Variants in VRK1 observed in about 807,000 individuals in gnomAD.
The protein encoded by VRK1 is VRK serine/threonine kinase 1, also known as serine/threonine-protein kinase VRK1.
A neutral mutation model predicts 57.1 loss-of-function variants in VRK1; 33 were observed. That is an observed-to-expected ratio of 0.58 (90% CI 0.44 to 0.77). The LOEUF (loss-of-function observed/expected upper bound fraction) is 0.77, where lower values mean the gene tolerates loss of function less well. VRK1 is among the 30% of genes least tolerant of loss of function. The pLI is 0.00. For missense variants in VRK1, 413 were observed against 477.3 expected (o/e 0.87, Z 1.25); for synonymous variants, 137 against 147.8 (o/e 0.93, Z 0.53).
At chr14:96,841,747 A>G (rs1887469971) in intron 3 of VRK1, among the ~76,000 whole-genome samples, 1 of 152,024 alleles carries the variant, frequency 6.6e-6, no homozygotes, top group Non-Finnish European at 1.5e-5. Context: ...AGGCAGGAGA[A>G]TCACTTGAAA....
chr14:96,826,823 A>G (rs775174101), intron 1 of VRK1, among the ~76,000 whole-genome samples: 2 of 152,190 alleles, frequency 1.3e-5, no homozygotes, highest in Non-Finnish European at 2.9e-5. Context: ...GTTTTAAATA[A>G]TTCCTCTTTT....
At chr14:96,824,281 A>G (rs1411725517) in intron 1 of VRK1, among the ~76,000 whole-genome samples, 1 of 152,222 alleles carries the variant, frequency 6.6e-6, no homozygotes, top group African/African-American at 2.4e-5. Context: ...ATCTTGAAAA[A>G]AGAATTTACT....
intron 11 of VRK1, among the ~76,000 whole-genome samples, chr14:96,864,446 TG>T (rs1326341497): frequency 2.1e-4 from 32 of 152,328 alleles, no homozygotes; most frequent in Non-Finnish European, 2.9e-5. Flanking sequence ...TGCTGTTGCA[TG>T]TAACAAAAAT....
chr14:96,873,723 A>AAGGAAGAAG (rs1888917693), intron 11 of VRK1, among the ~76,000 whole-genome samples: 1 of 152,338 alleles, frequency 6.6e-6, no homozygotes, highest in Non-Finnish European at 1.5e-5. Flanking sequence ...CTGGGAGCAG[A>AAGGAAGAAG]TTGCTTAGAA....
At chr14:96,799,889 T>A (rs1294401787) in intron 1 of VRK1, among the ~76,000 whole-genome samples, 1 of 152,116 alleles carries the variant, frequency 6.6e-6, no homozygotes, top group Non-Finnish European at 1.5e-5. Context: ...GTGCAAAGTC[T>A]ATTGCTATTG....
At chr14:96,865,760 T>TA (rs540188333) in intron 11 of VRK1, among the ~76,000 whole-genome samples, 13,835 of 148,748 alleles carry the variant, frequency 0.093, 842 homozygotes, top group African/African-American at 0.17. Context: ...TTAATTCTTC[T>TA]GTTTTTTTTT....
intron 1 of VRK1, among the ~76,000 whole-genome samples, chr14:96,826,636 C>T (rs3825576): frequency 0.15 from 22,965 of 152,166 alleles, 3,330 homozygotes; most frequent in East Asian, 0.83. Flanking sequence ...TTGTGCCTTT[C>T]GGTATATTCA....
intron 1 of VRK1, among the ~76,000 whole-genome samples, chr14:96,799,896 A>G (rs1885589460): frequency 1.3e-5 from 2 of 150,768 alleles, no homozygotes; most frequent in African/African-American, 4.9e-5. Context: ...GTCTATTGCT[A>G]TTGTAGTGTT....
intron 12 of VRK1, among the ~76,000 whole-genome samples, chr14:96,879,163 A>C (rs1889154172): frequency 6.6e-6 from 1 of 152,090 alleles, no homozygotes; most frequent in African/African-American, 2.4e-5. Flanking sequence ...CAAATTATAT[A>C]CATTAGTCTT....
chr14:96,820,535 G>C (rs1029644404), intron 1 of VRK1, among the ~76,000 whole-genome samples: 1 of 152,146 alleles, frequency 6.6e-6, no homozygotes, highest in Non-Finnish European at 1.5e-5. Context: ...GATGTTGTGA[G>C]TTGTCTCTGC....
chr14:96,819,116 A>G (rs1160199930), intron 1 of VRK1, among the ~76,000 whole-genome samples: 2 of 152,232 alleles, frequency 1.3e-5, no homozygotes, highest in Non-Finnish European at 2.9e-5. Context: ...ATTCTGACTT[A>G]CTGTAGTTTG....
chr14:96,813,573 G>A (rs1380170355), intron 1 of VRK1, among the ~76,000 whole-genome samples: 7 of 152,000 alleles, frequency 4.6e-5, no homozygotes, highest in Non-Finnish European at 1.0e-4. Context: ...TTACATCAGT[G>A]ATTTATTTCA....
chr14:96,880,493 G>A (rs1209608292), intron 12 of VRK1, among the ~76,000 whole-genome samples: 1 of 152,206 alleles, frequency 6.6e-6, no homozygotes, highest in Non-Finnish European at 1.5e-5. Flanking sequence ...TGGAGTAGGA[G>A]TAGTAGGTGG....
At chr14:96,842,142 A>G (rs560096509) in intron 3 of VRK1, among the ~76,000 whole-genome samples, 2 of 152,210 alleles carry the variant, frequency 1.3e-5, no homozygotes, top group East Asian at 3.9e-4. Context: ...TATTTCATTT[A>G]TTCTTTTGAA....
At chr14:96,845,162 A>T (rs1887630381) in intron 3 of VRK1, among the ~76,000 whole-genome samples, 1 of 152,168 alleles carries the variant, frequency 6.6e-6, no homozygotes, top group African/African-American at 2.4e-5. Context: ...CCCTAAAATT[A>T]GTTTAGAAAT....
intron 1 of VRK1, among the ~76,000 whole-genome samples, chr14:96,803,208 G>C (rs1361595581): frequency 2.5e-5 from 3 of 117,830 alleles, no homozygotes; most frequent in African/African-American, 9.8e-5. Context: ...CTCTTATCTT[G>C]TCCCCCAGGC....
At chr14:96,825,651 G>A (rs1230101080) in intron 1 of VRK1, among the ~76,000 whole-genome samples, 1 of 152,160 alleles carries the variant, frequency 6.6e-6, no homozygotes, top group African/African-American at 2.4e-5. Flanking sequence ...TTTAGGTATG[G>A]GGAAAATGTC....
chr14:96,803,207 T>G (rs1287310089), intron 1 of VRK1, among the ~76,000 whole-genome samples: 3 of 151,274 alleles, frequency 2.0e-5, no homozygotes, highest in African/African-American at 7.3e-5. Flanking sequence ...TCTCTTATCT[T>G]GTCCCCCAGG....
At chr14:96,859,555 T>A (rs1461521102) in intron 10 of VRK1, among the ~76,000 whole-genome samples, 3 of 152,200 alleles carry the variant, frequency 2.0e-5, no homozygotes, top group African/African-American at 7.2e-5. Context: ...GGGATTGTTG[T>A]CCGTTTTTTT....
Sources: allele counts gnomAD v4.1 joint callset (sites outside exome capture counted in the v4.1 genomes callset), GRCh38; gene constraint gnomAD v4.1.1; transcripts MANE v1.5; gene names NCBI Gene and HGNC (gene_info 2026-07-23, HGNC 2026-07-21).